NAALADL2: variants seen among roughly 807,000 people sequenced by gnomAD.
NAALADL2 encodes inactive N-acetylated-alpha-linked acidic dipeptidase-like protein 2.
NAALADL2 carries 76 observed loss-of-function variants against 87.2 expected under a neutral mutation model. The ratio of observed to expected loss-of-function variants is 0.87; its 90% CI spans 0.72 to 1.05. The LOEUF (loss-of-function observed/expected upper bound fraction) is 1.05, where lower values mean the gene tolerates loss of function less well. NAALADL2 is among the 50% of genes least tolerant of loss of function. The pLI, the probability that NAALADL2 is intolerant of heterozygous loss-of-function variation, is 0.00. For synonymous variants in NAALADL2, 354 were observed against 331.0 expected (o/e 1.07, Z -0.75); for missense variants, 1,089 against 945.8 (o/e 1.15, Z -1.99).
chr3:174,707,430 A>C (rs548828464), intron 2 of NAALADL2, among the ~76,000 whole-genome samples: 4 of 152,294 alleles, frequency 2.6e-5, no homozygotes, highest in East Asian at 3.9e-4. Flanking sequence ...GATTAAGAAA[A>C]TGTGGCACAT....
intron 1 of NAALADL2, among the ~76,000 whole-genome samples, chr3:174,877,134 T>A (rs1342351060): frequency 6.6e-6 from 1 of 152,088 alleles, no homozygotes; most frequent in Non-Finnish European, 1.5e-5. Flanking sequence ...CAGCTGAAAC[T>A]GCTTAAAATT....
At position 175,089,990 on chromosome 3, in the gene NAALADL2, G is replaced by A. The variant is rs113932630; in HGVS notation, c.44-6800G>A. Among the ~76,000 whole-genome samples, 1,035 of 152,134 alleles carry A rather than the reference G, an allele frequency of 6.8e-3. 19 individuals are homozygous for A. Among genetic ancestry groups the A allele is most frequent in the African/African-American group, 0.024 (1,000 of 41,510 alleles). On this transcript the variant is annotated intron_variant, in intron 1 of 13. Coordinates refer to ENST00000454872, the MANE Select transcript of NAALADL2 (RefSeq NM_207015.3). ...TTTTTTATTTTGTAGGTTTGTGACT[G>A]TATTTATCTCATGTATGTGTGTTTC...
At chr3:175,520,174 C>A (rs1732423819) in intron 9 of NAALADL2, among the ~76,000 whole-genome samples, 1 of 151,936 alleles carries the variant, frequency 6.6e-6, no homozygotes, top group South Asian at 2.1e-4. Flanking sequence ...CTAACTTTAC[C>A]TTAAATTAAT....
chr3:175,086,747 ATTGT>A (rs1719020617), intron 1 of NAALADL2, among the ~76,000 whole-genome samples: 1 of 152,116 alleles, frequency 6.6e-6, no homozygotes, highest in South Asian at 2.1e-4. Flanking sequence ...TCTTTAGTAA[ATTGT>A]TTAGTTGCTT....
At chr3:174,524,597 T>G (rs1476836003) in intron 1 of NAALADL2, among the ~76,000 whole-genome samples, 1 of 151,876 alleles carries the variant, frequency 6.6e-6, no homozygotes. Flanking sequence ...CAGGCTGGAG[T>G]GCAGTGGCAT....
chr3:175,206,296 GTATA>G (rs571775445), intron 2 of NAALADL2, among the ~76,000 whole-genome samples: 1 of 101,674 alleles, frequency 9.8e-6, no homozygotes, highest in African/African-American at 5.1e-5. Context: ...GTATGTATGT[GTATA>G]TATATATATA....
At chr3:175,789,262 A>AACTT (rs1310121395) in intron 13 of NAALADL2, among the ~76,000 whole-genome samples, 1 of 147,806 alleles carries the variant, frequency 6.8e-6, no homozygotes, top group Admixed American at 6.7e-5. Flanking sequence ...AATTTTTGTC[A>AACTT]ACTTCTACTG....
chr3:175,457,475 A>G (rs1256627037), intron 6 of NAALADL2, among the ~76,000 whole-genome samples: 1 of 152,058 alleles, frequency 6.6e-6, no homozygotes, highest in Non-Finnish European at 1.5e-5. Flanking sequence ...GTTCACTGAT[A>G]CGTGTTGCCC....
At chr3:174,914,024 C>T (rs956917689) in intron 1 of NAALADL2, among the ~76,000 whole-genome samples, 1 of 150,858 alleles carries the variant, frequency 6.6e-6, no homozygotes, top group African/African-American at 2.4e-5. Context: ...TTCCAAGGTA[C>T]ACCTTTTTGG....
intron 2 of NAALADL2, among the ~76,000 whole-genome samples, chr3:174,657,086 A>G (rs1725024911): frequency 7.5e-6 from 1 of 134,228 alleles, no homozygotes; most frequent in South Asian, 2.2e-4. Context: ...TTGGAGTTCA[A>G]CGGTGTGATC....
At chr3:174,526,395 C>T (rs1053540124) in intron 1 of NAALADL2, among the ~76,000 whole-genome samples, 1 of 152,078 alleles carries the variant, frequency 6.6e-6, no homozygotes, top group African/African-American at 2.4e-5. Context: ...CTTTATAGCC[C>T]GGTTTTCTCA....
At chr3:175,760,427 A>G (rs1747852724) in intron 13 of NAALADL2, among the ~76,000 whole-genome samples, 1 of 152,186 alleles carries the variant, frequency 6.6e-6, no homozygotes. Context: ...GATAGACTGC[A>G]ATGCCATAAA....
intron 1 of NAALADL2, among the ~76,000 whole-genome samples, chr3:175,035,619 A>T (rs1425365517): frequency 6.6e-6 from 1 of 151,138 alleles, no homozygotes; most frequent in Non-Finnish European, 1.5e-5. Context: ...TTGATATAGC[A>T]ATGAATATAT....
intron 1 of NAALADL2, among the ~76,000 whole-genome samples, chr3:175,066,449 T>A (rs1201390866): frequency 6.6e-6 from 1 of 152,076 alleles, no homozygotes; most frequent in African/African-American, 2.4e-5. Flanking sequence ...CAGTGCTCTA[T>A]CCAGCACCTT....
At chr3:174,788,787 C>G (rs767187038) in intron 3 of NAALADL2, among the ~76,000 whole-genome samples, 7 of 152,096 alleles carry the variant, frequency 4.6e-5, no homozygotes, top group Non-Finnish European at 8.8e-5. Context: ...AAACCAAATA[C>G]AGAGATCTAC....
intron 6 of NAALADL2, among the ~76,000 whole-genome samples, chr3:175,462,207 T>G (rs1224639282): frequency 1.3e-5 from 2 of 152,174 alleles, no homozygotes; most frequent in African/African-American, 4.8e-5. Flanking sequence ...AACTGTATAC[T>G]TTCTCCTCAG....
At chr3:175,374,002 CT>C (rs1766809599) in intron 5 of NAALADL2, among the ~76,000 whole-genome samples, 1 of 151,930 alleles carries the variant, frequency 6.6e-6, no homozygotes, top group Admixed American at 6.6e-5. Context: ...TGTGTACATA[CT>C]TTTTCTTACT....
intron 3 of NAALADL2, among the ~76,000 whole-genome samples, chr3:174,756,328 G>A (rs1019071764): frequency 1.3e-5 from 2 of 152,272 alleles, no homozygotes; most frequent in African/African-American, 2.4e-5. Flanking sequence ...GCTCTCAAAT[G>A]TGCTTTTTCT....
intron 3 of NAALADL2, among the ~76,000 whole-genome samples, chr3:174,770,766 G>T (rs1056186529): frequency 1.3e-5 from 2 of 151,558 alleles, no homozygotes; most frequent in African/African-American, 2.4e-5. Flanking sequence ...CGTGAACCGG[G>T]AGGCAGAGCT....
Sources: allele counts gnomAD v4.1 joint callset (sites outside exome capture counted in the v4.1 genomes callset), GRCh38; gene constraint gnomAD v4.1.1; transcripts MANE v1.5; gene names NCBI Gene and HGNC (gene_info 2026-07-23, HGNC 2026-07-21).